The following PLEKHA5 variants were observed in gnomAD, a reference collection of about 807,000 sequenced individuals.
PLEKHA5 encodes the protein pleckstrin homology domain-containing family A member 5.
Under a neutral mutation model 181.9 loss-of-function variants are expected in PLEKHA5, and 55 were observed. That is an observed-to-expected ratio of 0.30 (90% confidence interval 0.24 to 0.38). The LOEUF (loss-of-function observed/expected upper bound fraction) is 0.38, where lower values mean the gene tolerates loss of function less well. Among genes scored for constraint, PLEKHA5 ranks in the 10% least tolerant of loss-of-function variants. The pLI is 1.00. For missense variants in PLEKHA5, 1,432 were observed against 1,549.5 expected (o/e 0.92, Z 1.27); for synonymous variants, 535 against 529.4 (o/e 1.01, Z -0.15).
At chr12:19,278,966 G>A (rs771720171) in intron 11 of PLEKHA5, among the ~76,000 whole-genome samples, 2 of 152,012 alleles carry the variant, frequency 1.3e-5, no homozygotes, top group Non-Finnish European at 2.9e-5. Flanking sequence ...TAGGAGAAAC[G>A]GTTGAAAGAA....
chr12:19,142,653 G>GT (rs1256983889), intron 3 of PLEKHA5, among the ~76,000 whole-genome samples: 2 of 151,964 alleles, frequency 1.3e-5, no homozygotes, highest in African/African-American at 4.8e-5. Flanking sequence ...TAATGAAATC[G>GT]TTACAGTAGT....
chr12:19,202,542 T>C (rs1367014903), intron 3 of PLEKHA5, among the ~76,000 whole-genome samples: 18 of 151,978 alleles, frequency 1.2e-4, no homozygotes, highest in Non-Finnish European at 1.9e-4. Context: ...GTGTGTGTTC[T>C]CCAGCTTCAC....
chr12:19,322,181 C>G, intron 18 of PLEKHA5, 129 bp from the exon 19 acceptor site: 1 of 622,532 alleles, frequency 1.6e-6, no homozygotes, highest in East Asian at 2.7e-5. Flanking sequence ...TTTAAGGATT[C>G]TATCTTTGTA....
chr12:19,346,118 A>G (rs1764556532), intron 23 of PLEKHA5, among the ~76,000 whole-genome samples: 1 of 152,076 alleles, frequency 6.6e-6, no homozygotes, highest in African/African-American at 2.4e-5. Flanking sequence ...TATCTGTTAG[A>G]ATTTTAACGT....
intron 29 of PLEKHA5, among the ~76,000 whole-genome samples, chr12:19,362,436 A>C (rs2153233976): frequency 6.6e-6 from 1 of 152,170 alleles, no homozygotes; most frequent in Non-Finnish European, 1.5e-5. Flanking sequence ...TGGGAGGCTG[A>C]GGCAGGAGAA....
At chr12:19,270,152 C>A in intron 9 of PLEKHA5, 36 bp from the exon 10 acceptor site, 1 of 1,352,198 alleles carries the variant, frequency 7.4e-7, no homozygotes, top group Non-Finnish European at 9.8e-7. Flanking sequence ...AATCCAGAAT[C>A]CTAACATTCA....
chr12:19,250,898 G>A (rs1161061552), intron 3 of PLEKHA5, among the ~76,000 whole-genome samples: 1 of 152,004 alleles, frequency 6.6e-6, no homozygotes, highest in Non-Finnish European at 1.5e-5. Flanking sequence ...GCAGGGCTTG[G>A]GGGGAAAATG....
intron 27 of PLEKHA5, among the ~76,000 whole-genome samples, 191 bp from the exon 28 acceptor site, chr12:19,359,221 T>C (rs2095102697): frequency 6.6e-6 from 1 of 152,222 alleles, no homozygotes; most frequent in South Asian, 2.1e-4. Context: ...GAATGGTTTT[T>C]TTTAAAAGAG....
intron 3 of PLEKHA5, among the ~76,000 whole-genome samples, chr12:19,230,724 A>T (rs373025886): frequency 3.3e-5 from 5 of 152,002 alleles, no homozygotes; most frequent in African/African-American, 1.2e-4. Context: ...CCCGGTTCCC[A>T]CCGGCACCTC....
At chr12:19,232,556 C>T (rs1485137601) in intron 3 of PLEKHA5, among the ~76,000 whole-genome samples, 1 of 152,140 alleles carries the variant, frequency 6.6e-6, no homozygotes, top group Admixed American at 6.5e-5. Context: ...TTAAACAGTT[C>T]TGAATCCCAT....
At chr12:19,375,153 G>A (rs1367492663) in intron 31 of PLEKHA5, among the ~76,000 whole-genome samples, 8 of 151,804 alleles carry the variant, frequency 5.3e-5, no homozygotes, top group Admixed American at 1.3e-4. Flanking sequence ...GTGAAACCCC[G>A]TCTCTACTAA....
rs56086557 is a variant in PLEKHA5, at chr12:19,167,405, A to ATTTTTTTTTTTTTTTTTTTTT, written c.227+34964_227+34984dup. On this transcript the variant is annotated intron_variant, in intron 3 of 31. Coordinates refer to ENST00000429027, the MANE Select transcript of PLEKHA5 (RefSeq NM_001256470.2). Reference sequence around the variant, plus strand: ...CACTCTGCAAGTCTTCTGAGGCTTAATTTTTTTTTTTTTTTTTTTTTTTTT... The same window carrying ATTTTTTTTTTTTTTTTTTTTT: ...CACTCTGCAAGTCTTCTGAGGCTTAATTTTTTTTTTTTTTTTTTTTTTTTTTTTTTTTTTTTTTTTTTTTTT... Among the ~76,000 whole-genome samples, 21 of 91,230 alleles carry ATTTTTTTTTTTTTTTTTTTTT rather than the reference A, an allele frequency of 2.3e-4. 1 individual carries two copies. Among genetic ancestry groups the ATTTTTTTTTTTTTTTTTTTTT allele is most frequent in the Non-Finnish European group, 2.3e-4 (12 of 51,814 alleles). 59.9% of individuals were successfully genotyped at this position (91,230 alleles called of 152,430 possible). A position where few individuals can be genotyped will look rare whatever the true frequency, so the allele number is the denominator to read the frequency against.
intron 3 of PLEKHA5, among the ~76,000 whole-genome samples, chr12:19,214,761 G>A (rs577924219): frequency 6.6e-6 from 1 of 152,096 alleles, no homozygotes; most frequent in East Asian, 1.9e-4. Flanking sequence ...TGAAAGAGTT[G>A]TCTGCCAGAT....
intron 29 of PLEKHA5, among the ~76,000 whole-genome samples, chr12:19,365,057 A>C (rs2095382120): frequency 6.6e-6 from 1 of 152,074 alleles, no homozygotes; most frequent in Non-Finnish European, 1.5e-5. Context: ...TCCAAAACCT[A>C]AATTTGAATA....
chr12:19,245,895 A>G (rs1445748335), intron 3 of PLEKHA5, among the ~76,000 whole-genome samples: 1 of 151,986 alleles, frequency 6.6e-6, no homozygotes, highest in African/African-American at 2.4e-5. Context: ...ATCCTGAGTC[A>G]TCATCTCTTT....
At chr12:19,188,202 A>C (rs2050287303) in intron 3 of PLEKHA5, among the ~76,000 whole-genome samples, 1 of 152,188 alleles carries the variant, frequency 6.6e-6, no homozygotes, top group Admixed American at 6.5e-5. Flanking sequence ...GTTGAGTGTA[A>C]AGAAGTGTCC....
At chr12:19,184,335 A>G (rs553792077) in intron 3 of PLEKHA5, among the ~76,000 whole-genome samples, 1 of 152,240 alleles carries the variant, frequency 6.6e-6, no homozygotes, top group East Asian at 1.9e-4. Context: ...TGGCTGACAG[A>G]TCTTTAATAA....
intron 26 of PLEKHA5, among the ~76,000 whole-genome samples, chr12:19,357,623 G>T (rs563569069): frequency 4.0e-5 from 6 of 150,950 alleles, no homozygotes; most frequent in African/African-American, 1.5e-4. Flanking sequence ...ATGGGGGTTT[G>T]TTTGTTTGTT....
At chr12:19,307,632 G>A (rs1443431311) in intron 15 of PLEKHA5, 3 of 325,688 alleles carry the variant, frequency 9.2e-6, no homozygotes, top group Non-Finnish European at 1.9e-5. Flanking sequence ...CAGATCAAGA[G>A]AGTGATTACA....
Sources: gnomAD v4.1 joint callset for allele counts (sites outside exome capture counted in the v4.1 genomes callset) on GRCh38, gnomAD v4.1.1 for gene constraint, MANE v1.5 for transcripts, NCBI Gene and HGNC (gene_info 2026-07-23, HGNC 2026-07-21) for gene names.